Variants in TMPRSS9 observed in about 807,000 individuals in gnomAD.
TMPRSS9 encodes the protein transmembrane protease serine 9.
TMPRSS9 carries 113 observed loss-of-function variants against 111.4 expected under a neutral mutation model. The observed-to-expected ratio is 1.01, with a 90% CI of 0.87 to 1.19. The LOEUF (loss-of-function observed/expected upper bound fraction) is 1.19, where lower values mean the gene tolerates loss of function less well. Ranked by LOEUF, TMPRSS9 falls within the 50% of genes most tolerant of loss-of-function variation. The probability of loss-of-function intolerance (pLI) is 0.00; values close to 1 mark genes in which losing one functional copy is unlikely to be tolerated. For synonymous variants in TMPRSS9, 805 were observed against 659.1 expected (o/e 1.22, Z -3.39); for missense variants, 1,803 against 1,513.1 (o/e 1.19, Z -3.18).
intron 13 of TMPRSS9, among the ~76,000 whole-genome samples, chr19:2,420,260 G>A (rs1188130109): frequency 1.3e-5 from 2 of 152,048 alleles, no homozygotes; most frequent in African/African-American, 4.8e-5. Flanking sequence ...CCAACATGGC[G>A]AAACCCTGTC....
chr19:2,410,771 TCC>T (rs954850518), intron 9 of TMPRSS9, among the ~76,000 whole-genome samples: 2 of 151,434 alleles, frequency 1.3e-5, no homozygotes, highest in African/African-American at 4.9e-5. Flanking sequence ...CCTGTGTAAA[TCC>T]CCCCCAGCTG....
chr19:2,426,188 T>TG (rs149380178), exon 18 of TMPRSS9: 39,796 of 944,858 alleles, frequency 0.042, 829 homozygotes, highest in Non-Finnish European at 0.047. Flanking sequence ...AGGACGGGTG[T>TG]GGGGGGGCTG....
chr19:2,422,031 C>G, exon 14 of TMPRSS9: 1 of 1,612,790 alleles, frequency 6.2e-7, no homozygotes, highest in Non-Finnish European at 8.5e-7. Context: ...TCCCATGTCT[C>G]CCCCCTCGAC....
At chr19:2,413,598 G>A (rs1971145262) in intron 9 of TMPRSS9, 102 bp from the exon 11 acceptor site, 1 of 1,313,610 alleles carries the variant, frequency 7.6e-7, no homozygotes, top group Non-Finnish European at 1.1e-6. Flanking sequence ...GTGGAGAGAG[G>A]TCCTGGCTGT....
intron 1 of TMPRSS9, among the ~76,000 whole-genome samples, chr19:2,380,192 G>C (rs2145260420): frequency 6.6e-6 from 1 of 152,208 alleles, no homozygotes; most frequent in Non-Finnish European, 1.5e-5. Context: ...ACTGAGGCAA[G>C]AGGATCATTT....
At chr19:2,380,526 G>T (rs1035025977) in intron 1 of TMPRSS9, among the ~76,000 whole-genome samples, 2 of 148,792 alleles carry the variant, frequency 1.3e-5, no homozygotes, top group South Asian at 4.3e-4. Context: ...ACTTGAACCT[G>T]AGAGGCAGAG....
At chr19:2,417,466 CAAAAAA>C (rs61320761) in intron 12 of TMPRSS9, among the ~76,000 whole-genome samples, 1 of 106,986 alleles carries the variant, frequency 9.3e-6, no homozygotes. Flanking sequence ...ACTCCCATCT[CAAAAAA>C]AAAAAAAAAA....
chr19:2,386,355 A>G (rs1970474515), upstream of TMPRSS9, among the ~76,000 whole-genome samples: 1 of 151,932 alleles, frequency 6.6e-6, no homozygotes, highest in African/African-American at 2.4e-5. Flanking sequence ...AATACAAAAA[A>G]TTAGCTGGGC....
At chr19:2,387,127 C>T (rs971033855), upstream of TMPRSS9, among the ~76,000 whole-genome samples, 7 of 151,148 alleles carry the variant, frequency 4.6e-5, no homozygotes, top group South Asian at 2.1e-4. Context: ...GAGGCCAAGG[C>T]GGGTGGATCA....
chr19:2,415,200 C>T (rs921861231), intron 10 of TMPRSS9, among the ~76,000 whole-genome samples: 4 of 152,066 alleles, frequency 2.6e-5, no homozygotes, highest in African/African-American at 9.7e-5. Context: ...CCGCCTTGGC[C>T]TCCCAAAGTG....
chr19:2,400,679 G>A (rs532612759), intron 4 of TMPRSS9, among the ~76,000 whole-genome samples: 17 of 151,838 alleles, frequency 1.1e-4, no homozygotes, highest in Admixed American at 8.5e-4. Flanking sequence ...TCAGACCATT[G>A]TTAAAGATTT....
intron 7 of TMPRSS9, 52 bp from the exon 9 acceptor site, chr19:2,408,304 C>T (rs1189756074): frequency 5.7e-6 from 9 of 1,583,678 alleles, no homozygotes; most frequent in Non-Finnish European, 7.8e-6. Context: ...CGTCTGCCTC[C>T]CCCGACGGCT....
exon 10 of TMPRSS9, chr19:2,413,812 C>G: frequency 6.2e-7 from 1 of 1,613,790 alleles, no homozygotes; most frequent in Non-Finnish European, 8.5e-7. Context: ...GGGGTCTATG[C>G]CCGAGTCACC....
chr19:2,389,202 T>C (rs1426922553), upstream of TMPRSS9, among the ~76,000 whole-genome samples: 1 of 146,882 alleles, frequency 6.8e-6, no homozygotes, highest in Non-Finnish European at 1.5e-5. Context: ...GCCTCCCGAG[T>C]AGCTGGGATT....
chr19:2,425,640 A>G (rs1971604278), intron 17 of TMPRSS9, 147 bp downstream of exon 18: 1 of 1,362,202 alleles, frequency 7.3e-7, no homozygotes, highest in South Asian at 1.7e-5. Context: ...TTGGCTCTGG[A>G]GGAATTTCCA....
At chr19:2,402,820 A>G (rs947027043) in intron 5 of TMPRSS9, among the ~76,000 whole-genome samples, 2 of 151,944 alleles carry the variant, frequency 1.3e-5, no homozygotes, top group African/African-American at 4.8e-5. Context: ...GGTCCCAACT[A>G]CTCAGGAGGC....
At chr19:2,392,924 G>T (rs1453197193) in intron 1 of TMPRSS9, among the ~76,000 whole-genome samples, 1 of 152,166 alleles carries the variant, frequency 6.6e-6, no homozygotes, top group African/African-American at 2.4e-5. Context: ...AGCTAATCTA[G>T]TGGGGACTTG....
chr19:2,391,368 T>TG (rs1032699510), intron 1 of TMPRSS9, among the ~76,000 whole-genome samples: 10 of 150,540 alleles, frequency 6.6e-5, no homozygotes, highest in Non-Finnish European at 1.3e-4. Context: ...CTAGGTTTTT[T>TG]TTTTTCTTTT....
chr19:2,385,802 G>A (rs1295054686), upstream of TMPRSS9, among the ~76,000 whole-genome samples: 2 of 152,226 alleles, frequency 1.3e-5, no homozygotes, highest in South Asian at 2.1e-4. Context: ...AGTGAGCTAT[G>A]ATAGCACCAC....
Sources: allele counts gnomAD v4.1 joint callset (sites outside exome capture counted in the v4.1 genomes callset), GRCh38; gene constraint gnomAD v4.1.1; transcripts MANE v1.5; gene names NCBI Gene and HGNC (gene_info 2026-07-23, HGNC 2026-07-21).